Variants in CDS1 observed in about 807,000 individuals in gnomAD.
CDS1 encodes the protein phosphatidate cytidylyltransferase 1.
A neutral mutation model predicts 62.1 loss-of-function variants in CDS1; 41 were observed. The ratio of observed to expected loss-of-function variants is 0.66; its 90% CI spans 0.51 to 0.86. The LOEUF (loss-of-function observed/expected upper bound fraction) is 0.86. Ranked by LOEUF, CDS1 falls within the 40% of genes least tolerant of loss-of-function variation. The probability of loss-of-function intolerance (pLI) is 0.00; values close to 1 mark genes in which losing one functional copy is unlikely to be tolerated. For missense variants in CDS1, 470 were observed against 550.1 expected (o/e 0.85, Z 1.46); for synonymous variants, 185 against 192.6 (o/e 0.96, Z 0.32).
chr4:84,624,073 C>T (rs1008549115), intron 5 of CDS1, among the ~76,000 whole-genome samples: 19 of 151,882 alleles, frequency 1.3e-4, no homozygotes, highest in Admixed American at 4.6e-4. Flanking sequence ...AAATCGAGAC[C>T]ATCCTGGCTA....
At chr4:84,643,551 A>G (rs1005978516) in intron 11 of CDS1, among the ~76,000 whole-genome samples, 7 of 152,272 alleles carry the variant, frequency 4.6e-5, no homozygotes, top group Non-Finnish European at 8.8e-5. Context: ...GTCAGGTGTC[A>G]TCACACTCTT....
intron 3 of CDS1, among the ~76,000 whole-genome samples, chr4:84,609,989 G>C (rs1723266957): frequency 2.0e-5 from 3 of 150,904 alleles, no homozygotes; most frequent in Admixed American, 1.3e-4. Flanking sequence ...CTGCACTGCA[G>C]CCTGGGCAAC....
At chr4:84,627,650 T>C (rs1297272635) in intron 5 of CDS1, among the ~76,000 whole-genome samples, 2 of 152,210 alleles carry the variant, frequency 1.3e-5, no homozygotes, top group Non-Finnish European at 2.9e-5. Context: ...CATAGCTATT[T>C]TGATTTCTTT....
Position 84,583,241 on chromosome 4 carries a change from C to G in CDS1, c.-161C>G. The G allele has an allele frequency of 1.8e-6, 1 of 546,648 alleles. No homozygotes were observed. Among genetic ancestry groups the G allele is most frequent in the Non-Finnish European group, 3.2e-6 (1 of 312,534 alleles). 33.9% of individuals were successfully genotyped at this position (546,648 alleles called of 1,614,324 possible). On this transcript the variant is annotated 5_prime_UTR_variant, in exon 1 of 13. Transcript: ENST00000295887. ...TTGATGCCGTTTTGGAGGTGACCGGCGCGGCGGCCGCTCTATGGTGGGGCC... is the reference window on the plus strand; with the variant it reads ...TTGATGCCGTTTTGGAGGTGACCGGGGCGGCGGCCGCTCTATGGTGGGGCC...
intron 2 of CDS1, among the ~76,000 whole-genome samples, chr4:84,607,222 G>C (rs1723124428): frequency 6.6e-6 from 1 of 152,086 alleles, no homozygotes. Flanking sequence ...AGGAATATTT[G>C]AAAAGAGTAT....
intron 5 of CDS1, among the ~76,000 whole-genome samples, chr4:84,623,165 C>T (rs772184859): frequency 1.3e-5 from 2 of 152,074 alleles, no homozygotes; most frequent in African/African-American, 2.4e-5. Context: ...CATATGGGCC[C>T]ACTGCTGAGC....
In CDS1 at chr4:84,622,523, G is replaced by A. The variant is rs567925260; in HGVS notation, c.580+2990G>A. On this transcript the variant is annotated intron_variant, in intron 5 of 12. Coordinates refer to ENST00000295887, the MANE Select transcript of CDS1 (RefSeq NM_001263.4). The stretch of plus-strand genomic sequence containing the variant: ...CAAGAGAATCGCTGTAACCTGGGAG[G>A]CAGAAGCTGCAGTGAGCTGAAATCA... 4.6e-5 allele frequency among the ~76,000 whole-genome samples: 7 copies of A among 152,328 alleles called. No individual in the cohort carries two copies. In the South Asian group the frequency reaches 1.4e-3, roughly 32 times the overall value.
At position 84,640,868 on chromosome 4, in the gene CDS1, T is replaced by C; in HGVS notation, c.910T>C (p.Phe304Leu). The part of the protein sequence containing the change: ...AAYVLSKYQY[F>L]VCPVEYRSDV... ...CTATGTGTTATCCAAATACCAGTAC[T>C]TTGTCTGCCCAGTGGAATACCGAAG... is the stretch of plus-strand genomic sequence containing the variant. The change falls in exon 10 of 13, where the codon TTT becomes CTT. Residue 304 changes from phenylalanine (F) to leucine (L), a missense_variant. Physicochemically the swap from Phe to Leu is conservative, Grantham distance 22 (BLOSUM62 0). Coordinates refer to ENST00000295887, the MANE Select transcript of CDS1 (RefSeq NM_001263.4). The C allele has an allele frequency of 6.2e-7, 1 of 1,603,630 alleles. No homozygotes were observed. The highest frequency in any genetic ancestry group is 1.7e-5 in the Admixed American group (1 of 57,694).
At chr4:84,619,360 A>C in intron 4 of CDS1, 34 bp from the exon 5 acceptor site, 1 of 1,235,492 alleles carries the variant, frequency 8.1e-7, no homozygotes, top group Non-Finnish European at 1.1e-6. Context: ...GGAAAGCTTC[A>C]AATATAGAAA....
intron 3 of CDS1, among the ~76,000 whole-genome samples, chr4:84,611,519 A>G (rs1250271715): frequency 6.6e-6 from 1 of 152,144 alleles, no homozygotes; most frequent in Non-Finnish European, 1.5e-5. Flanking sequence ...ATAAAAGAAT[A>G]AGTTTTGATG....
intron 3 of CDS1, among the ~76,000 whole-genome samples, chr4:84,614,275 A>G (rs2148644825): frequency 6.6e-6 from 1 of 152,252 alleles, no homozygotes; most frequent in South Asian, 2.1e-4. Context: ...CTTTTAAAAA[A>G]AAGTTTTGTG....
intron 5 of CDS1, among the ~76,000 whole-genome samples, chr4:84,621,665 G>C (rs1458686847): frequency 6.6e-6 from 1 of 152,174 alleles, no homozygotes; most frequent in Non-Finnish European, 1.5e-5. Flanking sequence ...GGGCTCAAGG[G>C]ATCCTTCCGC....
At chr4:84,598,136 A>AAAAAAG (rs1220588007) in intron 1 of CDS1, among the ~76,000 whole-genome samples, 1 of 150,644 alleles carries the variant, frequency 6.6e-6, no homozygotes, top group South Asian at 2.1e-4. Flanking sequence ...CAAAAAAAAA[A>AAAAAAG]AAAAAGAAAA....
chr4:84,632,570 G>A (rs113030077), intron 6 of CDS1, among the ~76,000 whole-genome samples: 16 of 152,180 alleles, frequency 1.1e-4, no homozygotes, highest in Middle Eastern at 3.4e-3. Context: ...GGAAATTGTT[G>A]TGTTTCTTGT....
At chr4:84,633,364 G>A (rs1724083301) in intron 6 of CDS1, among the ~76,000 whole-genome samples, 1 of 152,120 alleles carries the variant, frequency 6.6e-6, no homozygotes, top group Non-Finnish European at 1.5e-5. Context: ...TAGAGTTTAA[G>A]GGCAATTGAA....
intron 1 of CDS1, among the ~76,000 whole-genome samples, chr4:84,589,178 T>C (rs764438100): frequency 2.0e-5 from 3 of 152,246 alleles, no homozygotes; most frequent in Non-Finnish European, 4.4e-5. Context: ...GTAAGGTTTG[T>C]ATCTTGCATA....
intron 8 of CDS1, among the ~76,000 whole-genome samples, chr4:84,637,167 G>A (rs62303071): frequency 1.3e-5 from 2 of 152,116 alleles, no homozygotes; most frequent in Admixed American, 1.3e-4. Flanking sequence ...TAAGGATACT[G>A]GTAAGCAAGC....
At chr4:84,613,414 G>C (rs1056148840) in intron 3 of CDS1, among the ~76,000 whole-genome samples, 33 of 152,114 alleles carry the variant, frequency 2.2e-4, no homozygotes, top group Admixed American at 8.5e-4. Flanking sequence ...TTCAAGACCA[G>C]CCTGGCCAAC....
chr4:84,583,920 T>G (rs948961877), intron 1 of CDS1, among the ~76,000 whole-genome samples: 5 of 152,154 alleles, frequency 3.3e-5, no homozygotes, highest in Non-Finnish European at 5.9e-5. Flanking sequence ...TAGTAAGGAC[T>G]AGAGACGTGC....
Sources: allele counts gnomAD v4.1 joint callset (sites outside exome capture counted in the v4.1 genomes callset), GRCh38; gene constraint gnomAD v4.1.1; transcripts MANE v1.5; gene names NCBI Gene and HGNC (gene_info 2026-07-23, HGNC 2026-07-21).